SHISA6: variants seen among roughly 807,000 people sequenced by gnomAD.
SHISA6 encodes protein shisa-6.
In SHISA6, 22 loss-of-function variants were observed where a neutral mutation model predicts 47.9. The ratio of observed to expected loss-of-function variants is 0.46; its 90% CI spans 0.33 to 0.66. The LOEUF (loss-of-function observed/expected upper bound fraction) is 0.66, where lower values mean the gene tolerates loss of function less well. Among genes scored for constraint, SHISA6 ranks in the 30% least tolerant of loss-of-function variants. The pLI is 0.02. For missense variants in SHISA6, 680 were observed against 764.6 expected (o/e 0.89, Z 1.30); for synonymous variants, 388 against 337.8 (o/e 1.15, Z -1.63).
At chr17:11,250,012 T>G (rs1907741987) in intron 1 of SHISA6, among the ~76,000 whole-genome samples, 1 of 152,174 alleles carries the variant, frequency 6.6e-6, no homozygotes, top group Admixed American at 6.5e-5. Flanking sequence ...AAAATCAGTT[T>G]TATGCTTTAT....
chr17:11,431,648 A>T (rs575516490), intron 3 of SHISA6, among the ~76,000 whole-genome samples: 7 of 152,134 alleles, frequency 4.6e-5, no homozygotes, highest in Non-Finnish European at 8.8e-5. Context: ...AGAAAACCCC[A>T]CTGTAGCGAT....
At chr17:11,297,353 T>C (rs1909787227) in intron 2 of SHISA6, among the ~76,000 whole-genome samples, 1 of 152,162 alleles carries the variant, frequency 6.6e-6, no homozygotes, top group Non-Finnish European at 1.5e-5. Context: ...TCCTCTGCAA[T>C]GAATAGCCCA....
At chr17:11,347,526 T>C (rs1307510367) in intron 2 of SHISA6, among the ~76,000 whole-genome samples, 8 of 152,194 alleles carry the variant, frequency 5.3e-5, no homozygotes, top group Admixed American at 2.6e-4. Context: ...TTATTAATAC[T>C]TAACATTATG....
At chr17:11,462,326 TG>T (rs1915712679) in intron 3 of SHISA6, among the ~76,000 whole-genome samples, 1 of 152,176 alleles carries the variant, frequency 6.6e-6, no homozygotes, top group Non-Finnish European at 1.5e-5. Context: ...CTCCCCAAGG[TG>T]GGCAAAGATG....
chr17:11,502,642 G>A (rs547170608), intron 3 of SHISA6, among the ~76,000 whole-genome samples: 21 of 152,024 alleles, frequency 1.4e-4, no homozygotes, highest in South Asian at 4.2e-4. Flanking sequence ...CAGGAGAATC[G>A]CTTGAACCCA....
In SHISA6 at chr17:11,241,955, T is replaced by A; in HGVS notation, c.533T>A (p.Val178Asp). Residue 178 changes from valine to aspartate, a missense_variant, in exon 1 of 6, where the codon GTC (valine) becomes GAC (aspartate). By Grantham distance (152) the Val-to-Asp change is radical. Around this residue, in one of 2 missense-constraint regions of SHISA6, gnomAD observed 559 missense variants for 674.1 expected, o/e 0.83. Coordinates refer to ENST00000441885, the MANE Select transcript of SHISA6 (RefSeq NM_207386.4). The surrounding 1 kb of genome is among the most constrained non-coding windows in gnomAD (Gnocchi z 5.5). Reference sequence around the variant, plus strand: ...GAGAAGGACAAGACCAACTTCACCGTCTACATCACCTGCGGGGTGATCGCC... The same window carrying A: ...GAGAAGGACAAGACCAACTTCACCGACTACATCACCTGCGGGGTGATCGCC... ...DPEKDKTNFT[V>D]YITCGVIAFV... 2 of 1,550,924 alleles carry A rather than the reference T, an allele frequency of 1.3e-6. No individual in the cohort carries two copies. The highest frequency in any genetic ancestry group is 1.7e-6 in the Non-Finnish European group (2 of 1,147,008).
intron 3 of SHISA6, among the ~76,000 whole-genome samples, chr17:11,515,313 A>AGGAAGGAAGG (rs2071575180): frequency 7.6e-6 from 1 of 130,890 alleles, no homozygotes; most frequent in African/African-American, 3.0e-5. Context: ...GAAGAAAGAA[A>AGGAAGGAAGG]AAGGAAGGAA....
intron 2 of SHISA6, among the ~76,000 whole-genome samples, chr17:11,319,623 A>G (rs940160950): frequency 3.3e-5 from 5 of 152,216 alleles, no homozygotes; most frequent in Non-Finnish European, 7.3e-5. Context: ...TAAATAAGTC[A>G]TGTTTGACTA....
At chr17:11,277,318 A>ACACACACACACACACACACC (rs1389004430) in intron 2 of SHISA6, among the ~76,000 whole-genome samples, 2 of 127,986 alleles carry the variant, frequency 1.6e-5, no homozygotes, top group Admixed American at 8.0e-5. Flanking sequence ...ACACACACAC[A>ACACACACACACACACACACC]CCCCGCATGT....
At chr17:11,459,007 C>T (rs1020043394) in intron 3 of SHISA6, among the ~76,000 whole-genome samples, 2 of 151,664 alleles carry the variant, frequency 1.3e-5, no homozygotes, top group South Asian at 4.2e-4. Context: ...ATCAGGAGAT[C>T]GAGACCATCC....
intron 2 of SHISA6, among the ~76,000 whole-genome samples, chr17:11,264,995 C>T (rs1276809655): frequency 1.3e-5 from 2 of 152,190 alleles, no homozygotes; most frequent in Non-Finnish European, 2.9e-5. Flanking sequence ...AGGGCTCCAC[C>T]TTTGCAAAAT....
chr17:11,323,624 A>G (rs890236288), intron 2 of SHISA6, among the ~76,000 whole-genome samples: 1 of 152,000 alleles, frequency 6.6e-6, no homozygotes, highest in Non-Finnish European at 1.5e-5. Context: ...ATTGCACTCC[A>G]TCCTGGGCAA....
intron 3 of SHISA6, among the ~76,000 whole-genome samples, chr17:11,510,478 G>A (rs2071532770): frequency 6.6e-6 from 1 of 152,164 alleles, no homozygotes; most frequent in African/African-American, 2.4e-5. Context: ...AAGTGATGGG[G>A]TTGTCCCACA....
intron 3 of SHISA6, among the ~76,000 whole-genome samples, chr17:11,389,294 A>G (rs1259360398): frequency 1.3e-5 from 2 of 152,156 alleles, no homozygotes; most frequent in Non-Finnish European, 2.9e-5. Context: ...GAGAGGAGAG[A>G]TAGTACCCGG....
intron 2 of SHISA6, among the ~76,000 whole-genome samples, chr17:11,317,133 G>T (rs1396544567): frequency 6.6e-6 from 1 of 151,730 alleles, no homozygotes; most frequent in Non-Finnish European, 1.5e-5. Flanking sequence ...ACCTGTTTTT[G>T]TGTATAATTT....
At position 11,379,499 on chromosome 17, in the gene SHISA6, A is replaced by C; in HGVS notation, c.885A>C (p.Gly295=). 6.5e-7 allele frequency: 1 copy of C among 1,537,606 alleles called. No individual in the cohort carries two copies. The highest frequency in any genetic ancestry group is 8.8e-7 in the Non-Finnish European group (1 of 1,140,522). Residue 295 remains glycine, a synonymous_variant, in exon 3 of 6, where the codon GGA becomes GGC. Transcript: ENST00000441885. ...CTGGATTTGTCACATTAGGAAGAGG[A>C]CACACCAAGGGTACAGTGGAAACCA... ...ISSGFVTLGR[G]HTKGDHQYNH...
intron 3 of SHISA6, among the ~76,000 whole-genome samples, chr17:11,469,800 C>A (rs537999342): frequency 2.0e-4 from 30 of 152,196 alleles, no homozygotes; most frequent in Admixed American, 3.3e-4. Context: ...CAGCAACAGA[C>A]CTTCCAAATC....
chr17:11,277,201 C>CA (rs1262114967), intron 2 of SHISA6, among the ~76,000 whole-genome samples: 2 of 150,512 alleles, frequency 1.3e-5, no homozygotes, highest in Non-Finnish European at 3.0e-5. Flanking sequence ...CAAGGGAAGT[C>CA]AAAGAATCTG....
rs1334747743 is a variant in SHISA6 at position 11,559,277 on chromosome 17, G to A, written c.*973G>A. 1 of 152,612 alleles carries A rather than the reference G, an allele frequency of 6.6e-6. No homozygotes were observed. The highest frequency in any genetic ancestry group is 6.5e-5 in the Admixed American group (1 of 15,282). The allele number at this position is 152,612 out of a possible 1,614,324, so 9.5% of individuals were successfully genotyped here. A position where few individuals can be genotyped will look rare whatever the true frequency, so the allele number is the denominator to read the frequency against. On this transcript the variant is annotated 3_prime_UTR_variant, in exon 6 of 6. Coordinates refer to ENST00000441885, the MANE Select transcript of SHISA6 (RefSeq NM_207386.4). This position sits in a 1 kb window ranked among gnomAD's most constrained non-coding sequence, Gnocchi z 4.4. ...CCTGCTCTGCTCCCAGGAGGCACCT[G>A]CGGTGGCCAGAGAGCCAGGGTGGGG...
Sources: gnomAD v4.1 joint callset for allele counts (sites outside exome capture counted in the v4.1 genomes callset) on GRCh38, gnomAD v4.1.1 for gene constraint, gnomAD v4.1.1 regional missense constraint, Gnocchi (gnomAD v3.1) non-coding constraint, MANE v1.5 for transcripts, NCBI Gene and HGNC (gene_info 2026-07-23, HGNC 2026-07-21) for gene names.